The following CELF5 variants were observed in gnomAD, a reference collection of about 807,000 sequenced individuals.
CELF5 encodes the protein CUG-BP and ETR-3 like factor 5.
A neutral mutation model predicts 54.9 loss-of-function variants in CELF5; 6 were observed. The ratio of observed to expected loss-of-function variants is 0.11; its 90% CI spans 0.06 to 0.22. The LOEUF (loss-of-function observed/expected upper bound fraction) is 0.22. Among genes scored for constraint, CELF5 ranks in the 10% least tolerant of loss-of-function variants. The pLI is 1.00. For missense variants in CELF5, 401 were observed against 678.6 expected (o/e 0.59, Z 4.54); for synonymous variants, 271 against 290.9 (o/e 0.93, Z 0.70).
At chr19:3,293,826 G>T in intron 12 of CELF5, 1 of 220,002 alleles carries the variant, frequency 4.5e-6, no homozygotes. Flanking sequence ...GTGCGGTGGG[G>T]AGGGGGTTCT....
intron 2 of CELF5, among the ~76,000 whole-genome samples, chr19:3,264,040 C>T (rs1315850312): frequency 6.6e-6 from 1 of 152,172 alleles, no homozygotes; most frequent in East Asian, 1.9e-4. Context: ...CACCCCATGC[C>T]GTATTACTAA....
At chr19:3,283,768 A>G (rs995969055) in intron 8 of CELF5, among the ~76,000 whole-genome samples, 1 of 152,122 alleles carries the variant, frequency 6.6e-6, no homozygotes, top group African/African-American at 2.4e-5. Flanking sequence ...TGTCAAACCC[A>G]GGAAACTAAC....
At chr19:3,234,549 G>C (rs1917429034) in intron 1 of CELF5, among the ~76,000 whole-genome samples, 1 of 152,100 alleles carries the variant, frequency 6.6e-6, no homozygotes, top group Admixed American at 6.5e-5. Context: ...AGCGCCCAGG[G>C]TGACAGATGA....
Position 3,238,556 on chromosome 19 carries a change from C to T in CELF5, c.260-12429C>T, listed in dbSNP as rs184541191. On this transcript the variant is annotated intron_variant, in intron 1 of 12. Coordinates refer to ENST00000292672, the MANE Select transcript of CELF5 (RefSeq NM_021938.4). ...CTGCCTCTTCAGCTTCTGGGGACTC[C>T]GGGTGTCCTTGGCTGATGGATGCAT... Among the ~76,000 whole-genome samples the T allele has an allele frequency of 2.8e-3, 427 of 152,244 alleles. 3 individuals carry two copies. Among genetic ancestry groups the T allele is most frequent in the African/African-American group, 9.1e-3 (378 of 41,544 alleles).
In CELF5 at chr19:3,290,438, G is replaced by T; in HGVS notation, c.1330+64G>T. ...CCTCGCCTGCCCCCTGACAGGGAAT[G>T]GGAGGGTTTTGGTCGGCCTCGGGAC... is the stretch of plus-strand genomic sequence containing the variant. On this transcript the variant is annotated intron_variant, in intron 11 of 12. Transcript: ENST00000292672. 2 of 1,591,464 alleles carry T rather than the reference G, an allele frequency of 1.3e-6. 1 individual carries two copies.
intron 2 of CELF5, among the ~76,000 whole-genome samples, chr19:3,261,011 T>C (rs957771186): frequency 1.1e-4 from 17 of 152,118 alleles, no homozygotes; most frequent in Non-Finnish European, 2.1e-4. Context: ...GCAATCCTCC[T>C]GCCTCAGCCT....
At chr19:3,296,619 G>C (rs2080458424) in intron 12 of CELF5, 139 bp from the exon 13 acceptor site, 1 of 152,222 alleles carries the variant, frequency 6.6e-6, no homozygotes, top group African/African-American at 2.4e-5. Context: ...TCTGCCTCGA[G>C]GGGGCCTCAC....
At chr19:3,280,423 A>T (rs1174724441) in intron 5 of CELF5, among the ~76,000 whole-genome samples, 3 of 151,908 alleles carry the variant, frequency 2.0e-5, no homozygotes, top group Middle Eastern at 6.3e-3. Context: ...ATAAAAAAAA[A>T]AATTAGCTGG....
In CELF5 at chr19:3,278,083, C is replaced by T. The variant is rs1314852096; in HGVS notation, c.576C>T (p.His192=). The T allele has an allele frequency of 1.5e-5, 24 of 1,611,988 alleles. No individual in the cohort carries two copies. The highest frequency in any genetic ancestry group is 8.9e-5 in the East Asian group (4 of 44,864). ...SSHTEAQAAI[H]ALHGSQTMPG... ...ACACGGAGGCGCAGGCGGCCATCCA[C>T]GCCTTGCATGGGAGCCAGACCATGC... The change falls in exon 5 of 13, where the codon CAC becomes CAT. Residue 192 remains histidine, a synonymous_variant. Coordinates refer to ENST00000292672, the MANE Select transcript of CELF5 (RefSeq NM_021938.4). This position sits in a 1 kb window ranked among gnomAD's most constrained non-coding sequence, Gnocchi z 4.5.
intron 10 of CELF5, among the ~76,000 whole-genome samples, chr19:3,288,744 A>C (rs993818342): frequency 6.6e-6 from 1 of 152,236 alleles, no homozygotes; most frequent in Admixed American, 6.6e-5. Context: ...GCTACTCGGG[A>C]GGCCAAAGTG....
At chr19:3,236,291 G>A (rs2145000300) in intron 1 of CELF5, among the ~76,000 whole-genome samples, 1 of 152,320 alleles carries the variant, frequency 6.6e-6, no homozygotes, top group South Asian at 2.1e-4. Context: ...AGGATGAGCA[G>A]CAAAGCTGAG....
At chr19:3,256,064 C>CAGAAAAAAAAAAAAAAAAAAA (rs372488135) in intron 2 of CELF5, among the ~76,000 whole-genome samples, 8 of 139,552 alleles carry the variant, frequency 5.7e-5, no homozygotes, top group Non-Finnish European at 6.1e-5. Flanking sequence ...GACCCTGTCT[C>CAGAAAAAAAAAAAAAAAAAAA]AAAAAAAAAG....
intron 2 of CELF5, among the ~76,000 whole-genome samples, chr19:3,273,005 G>A (rs1013180560): frequency 6.6e-6 from 1 of 152,012 alleles, no homozygotes; most frequent in African/African-American, 2.4e-5. Context: ...TGGGGTGGGG[G>A]ACAAAAGTGT....
At chr19:3,291,374 C>T (rs2080344793) in intron 11 of CELF5, among the ~76,000 whole-genome samples, 1 of 151,818 alleles carries the variant, frequency 6.6e-6, no homozygotes, top group African/African-American at 2.4e-5. Flanking sequence ...GACATCCTGG[C>T]TAACACAGTG....
chr19:3,289,681 CAAAAAAAAAAAAA>C (rs35144942), intron 10 of CELF5, among the ~76,000 whole-genome samples: 76 of 47,140 alleles, frequency 1.6e-3, no homozygotes, highest in African/African-American at 6.1e-3. Flanking sequence ...GACTCCATCT[CAAAAAAAAAAAAA>C]AAAAAAAAAA....
intron 1 of CELF5, among the ~76,000 whole-genome samples, chr19:3,238,031 A>G (rs2079441127): frequency 6.6e-6 from 1 of 151,462 alleles, no homozygotes; most frequent in Non-Finnish European, 1.5e-5. Context: ...CCTGGGTGAA[A>G]GAGAGAGGCT....
chr19:3,258,491 C>G (rs2079762921), intron 2 of CELF5, among the ~76,000 whole-genome samples: 1 of 152,160 alleles, frequency 6.6e-6, no homozygotes, highest in Non-Finnish European at 1.5e-5. Flanking sequence ...AGCCTACATC[C>G]AGGATAATTT....
At chr19:3,285,422 T>A (rs1005756508) in intron 9 of CELF5, among the ~76,000 whole-genome samples, 5 of 145,578 alleles carry the variant, frequency 3.4e-5, no homozygotes, top group African/African-American at 1.0e-4. Context: ...TCTTAAGGCC[T>A]GGCTGTGACC....
At chr19:3,290,108 C>G in intron 10 of CELF5, 123 bp from the exon 11 acceptor site, 1 of 699,434 alleles carries the variant, frequency 1.4e-6, no homozygotes, top group Non-Finnish European at 2.4e-6. Flanking sequence ...TTCTGGGTGT[C>G]TGAGGCACCC....
Sources: allele counts gnomAD v4.1 joint callset (sites outside exome capture counted in the v4.1 genomes callset), GRCh38; gene constraint gnomAD v4.1.1; non-coding constraint Gnocchi (gnomAD v3.1); transcripts MANE v1.5; gene names NCBI Gene and HGNC (gene_info 2026-07-23, HGNC 2026-07-21).